The following TMEM47 variants were observed in gnomAD, a reference collection of about 807,000 sequenced individuals.
TMEM47 encodes the protein brain cell membrane protein 1.
Under a neutral mutation model 12.4 loss-of-function variants are expected in TMEM47, and 3 were observed. The ratio of observed to expected loss-of-function variants is 0.24; its 90% CI spans 0.11 to 0.63. The LOEUF is 0.63. TMEM47 is among the 20% of genes least tolerant of loss of function. The pLI is 0.86. For synonymous variants in TMEM47, 62 were observed against 63.3 expected (o/e 0.98, Z 0.10); for missense variants, 89 against 143.8 (o/e 0.62, Z 1.95).
intron 1 of TMEM47, among the ~76,000 whole-genome samples, chrX:34,645,710 C>A (rs1400871653): frequency 8.9e-6 from 1 of 111,857 alleles, no homozygotes; most frequent in East Asian, 2.8e-4. Flanking sequence ...AAAATGACCA[C>A]TTCTTTTATT....
At chrX:34,646,304 A>C (rs1213702954) in intron 1 of TMEM47, among the ~76,000 whole-genome samples, 1 of 112,148 alleles carries the variant, frequency 8.9e-6, no homozygotes, top group South Asian at 3.6e-4. Context: ...TTAATAATCT[A>C]AACACAATAA....
At chrX:34,638,809 C>T (rs1921764580) in intron 2 of TMEM47, among the ~76,000 whole-genome samples, 1 of 111,809 alleles carries the variant, frequency 8.9e-6, no homozygotes, top group South Asian at 3.7e-4. Flanking sequence ...TGGTTGGAGT[C>T]ATACATCACA....
At chrX:34,648,710 AAAGTT>A (rs1444618805) in intron 1 of TMEM47, among the ~76,000 whole-genome samples, 1 of 112,298 alleles carries the variant, frequency 8.9e-6, no homozygotes, top group South Asian at 3.7e-4. Context: ...TGGATAAATT[AAAGTT>A]AAGAGCTTCT....
At chrX:34,632,963 A>T (rs1273083662) in intron 2 of TMEM47, among the ~76,000 whole-genome samples, 4 of 111,383 alleles carry the variant, frequency 3.6e-5, no homozygotes, top group Non-Finnish European at 7.5e-5. Flanking sequence ...TTGAAAAAAA[A>T]AAGGCACTTC....
In TMEM47 at chrX:34,649,689, C is replaced by A. The variant is rs1197796295; in HGVS notation, c.226+7115G>T. Among the ~76,000 whole-genome samples, 11 of 110,942 alleles carry A rather than the reference C, an allele frequency of 9.9e-5. No individual in the cohort carries two copies. The South Asian group carries it at 3.5e-3, about 35-fold the overall frequency. The stretch of plus-strand genomic sequence containing the variant: ...CCTATATAATAAACATGCACATGTA[C>A]CCCGAACCTAAAATAAAAGTTAAAA... On this transcript the variant is annotated intron_variant, in intron 1 of 2. Coordinates refer to ENST00000275954, the MANE Select transcript of TMEM47 (RefSeq NM_031442.4).
At position 34,657,138 on chromosome X, in the gene TMEM47, G is replaced by T; in HGVS notation, c.-109C>A. The T allele has an allele frequency of 1.9e-6, 2 of 1,034,271 alleles. No homozygotes were observed. Among genetic ancestry groups the T allele is most frequent in the South Asian group, 2.8e-5 (1 of 35,628 alleles). 85.2% of individuals were successfully genotyped at this position (1,034,271 alleles called of 1,213,427 possible). On this transcript the variant is annotated 5_prime_UTR_variant, in exon 1 of 3. Coordinates refer to ENST00000275954, the MANE Select transcript of TMEM47 (RefSeq NM_031442.4). ...GAGAAGCCGCCGAGCTGCCACGCGC[G>T]GGGACTCGCTCCCTCGGGGCTCTGC... is the stretch of plus-strand genomic sequence containing the variant.
chrX:34,636,644 T>C (rs1280949086), intron 2 of TMEM47, among the ~76,000 whole-genome samples: 1 of 111,939 alleles, frequency 8.9e-6, no homozygotes, highest in Non-Finnish European at 1.9e-5. Flanking sequence ...CACTGTCAGT[T>C]ACACAAAAAG....
At chrX:34,642,647 G>C (rs777699521) in intron 1 of TMEM47, among the ~76,000 whole-genome samples, 7 of 112,134 alleles carry the variant, frequency 6.2e-5, no homozygotes, top group Admixed American at 9.5e-5. Context: ...TAGATGTAAA[G>C]TCAACAAGGA....
chrX:34,646,790 T>C (rs759098007), intron 1 of TMEM47, among the ~76,000 whole-genome samples: 2 of 111,073 alleles, frequency 1.8e-5, no homozygotes, highest in South Asian at 7.7e-4. Context: ...CCCACGATAG[T>C]ATTAAGATAC....
chrX:34,634,567 C>G (rs954435088), intron 2 of TMEM47, among the ~76,000 whole-genome samples: 1 of 112,059 alleles, frequency 8.9e-6, no homozygotes. Context: ...GACAGGCACA[C>G]AAGTAATTAT....
intron 2 of TMEM47, among the ~76,000 whole-genome samples, chrX:34,634,045 T>A (rs1468313338): frequency 9.0e-6 from 1 of 111,379 alleles, no homozygotes; most frequent in East Asian, 2.8e-4. Context: ...CTCCTTGCCT[T>A]TCATAGATGC....
chrX:34,649,407 A>G (rs1353403054), intron 1 of TMEM47, among the ~76,000 whole-genome samples: 1 of 111,537 alleles, frequency 9.0e-6, no homozygotes, highest in East Asian at 2.8e-4. Context: ...GGGAACATGG[A>G]AGGAGCTGGA....
At chrX:34,646,748 C>G (rs1469579023) in intron 1 of TMEM47, among the ~76,000 whole-genome samples, 1 of 110,638 alleles carries the variant, frequency 9.0e-6, no homozygotes, top group Non-Finnish European at 1.9e-5. Flanking sequence ...TAAGAATAAT[C>G]AAAGAGTAGA....
At chrX:34,648,144 T>C (rs1921947847) in intron 1 of TMEM47, among the ~76,000 whole-genome samples, 1 of 112,079 alleles carries the variant, frequency 8.9e-6, no homozygotes, top group Admixed American at 9.5e-5. Context: ...ACAGATTCAA[T>C]GCTATTCCTA....
chrX:34,647,050 C>T (rs1921924399), intron 1 of TMEM47, among the ~76,000 whole-genome samples: 1 of 111,498 alleles, frequency 9.0e-6, no homozygotes, highest in Non-Finnish European at 1.9e-5. Context: ...CTACCCTCTG[C>T]TAGAAAACCA....
intron 1 of TMEM47, among the ~76,000 whole-genome samples, chrX:34,650,447 A>T (rs973947722): frequency 1.8e-5 from 2 of 112,306 alleles, no homozygotes; most frequent in Admixed American, 1.9e-4. Context: ...ATTTGATTAG[A>T]CTGGATTATG....
At chrX:34,633,615 GAAGT>G (rs1199713589) in intron 2 of TMEM47, among the ~76,000 whole-genome samples, 1 of 111,765 alleles carries the variant, frequency 8.9e-6, no homozygotes, top group Non-Finnish European at 1.9e-5. Flanking sequence ...TTTGAGCAGA[GAAGT>G]AATAACTAAT....
intron 1 of TMEM47, among the ~76,000 whole-genome samples, chrX:34,653,089 C>T (rs1436811471): frequency 3.6e-5 from 4 of 111,800 alleles, no homozygotes; most frequent in Non-Finnish European, 5.7e-5. Context: ...TTAGGCAGTT[C>T]CATTTATCTT....
chrX:34,631,342 C>A (rs1201154091), intron 2 of TMEM47, among the ~76,000 whole-genome samples: 1 of 110,402 alleles, frequency 9.1e-6, no homozygotes, highest in Non-Finnish European at 1.9e-5. Context: ...TGCTGCTTTG[C>A]AATACTAACT....
Sources: allele counts gnomAD v4.1 joint callset (sites outside exome capture counted in the v4.1 genomes callset), GRCh38; gene constraint gnomAD v4.1.1; transcripts MANE v1.5; gene names NCBI Gene and HGNC (gene_info 2026-07-23, HGNC 2026-07-21).